POLR1C: variants seen among roughly 807,000 people sequenced by gnomAD.
POLR1C encodes the protein RNA polymerase I and III subunit C.
A neutral mutation model predicts 38.3 loss-of-function variants in POLR1C; 42 were observed. That is an observed-to-expected ratio of 1.10 (90% CI 0.86 to 1.42). The LOEUF (loss-of-function observed/expected upper bound fraction) is 1.42, where lower values mean the gene tolerates loss of function less well. Ranked by LOEUF, POLR1C falls within the 40% of genes most tolerant of loss-of-function variation. POLR1C has a pLI of 0.00. For synonymous variants in POLR1C, 163 were observed against 163.9 expected, an observed-to-expected ratio of 0.99 and a Z score of 0.04; for missense variants, 507 against 450.5, an observed-to-expected ratio of 1.13 and a Z score of -1.14.
At chr6:43,552,606 G>C (rs1795301465) in intron 10 of POLR1C, among the ~76,000 whole-genome samples, 1 of 152,132 alleles carries the variant, frequency 6.6e-6, no homozygotes, top group Non-Finnish European at 1.5e-5. Context: ...GCCAGCCTTG[G>C]CCTCCCAAAG....
At chr6:43,558,657 C>T in intron 10 of POLR1C, 1 of 1,246,920 alleles carries the variant, frequency 8.0e-7, no homozygotes, top group Non-Finnish European at 1.1e-6. Context: ...TTTTAAGCTT[C>T]AGGAGTTCAA....
rs1582212174 is a variant in POLR1C, at chr6:43,539,339, G to A, written c.*4+9980G>A. On this transcript the variant is annotated intron_variant, in intron 9 of 10. Coordinates refer to the POLR1C transcript ENST00000607635. ...GATAGCAACAAACGCCTTGAACCTG[G>A]TGCGCTGGCCAGCACGGGTCTGCTT... 1.1e-5 allele frequency: 18 copies of A among 1,579,506 alleles called. No homozygotes were observed. The South Asian group carries it at 1.9e-4, about 17-fold the overall frequency.
chr6:43,526,941 C>G (rs535315525), intron 8 of POLR1C: 8 of 578,598 alleles, frequency 1.4e-5, no homozygotes, highest in African/African-American at 1.3e-4. Flanking sequence ...TTTGGTCCTT[C>G]AAGTTCAACT....
chr6:43,554,459 T>C (rs1761924269), intron 10 of POLR1C, among the ~76,000 whole-genome samples: 1 of 148,218 alleles, frequency 6.7e-6, no homozygotes, highest in African/African-American at 2.5e-5. Context: ...GGAGTCCCGC[T>C]CTTTGCCCAG....
At chr6:43,533,201 T>A (rs1419278195), downstream of POLR1C, among the ~76,000 whole-genome samples, 3 of 140,586 alleles carry the variant, frequency 2.1e-5, no homozygotes, top group South Asian at 6.8e-4. Flanking sequence ...TTTAAAAACT[T>A]TGATACCTAT....
At chr6:43,517,202 G>C in intron 1 of POLR1C, 24 bp downstream of exon 1, 1 of 1,613,542 alleles carries the variant, frequency 6.2e-7, no homozygotes, top group Non-Finnish European at 8.5e-7. Context: ...CCTTGAGCTC[G>C]GGCGGGAGGA....
intron 10 of POLR1C, chr6:43,553,578 CACAG>C: frequency 2.7e-6 from 4 of 1,500,342 alleles, no homozygotes; most frequent in Non-Finnish European, 3.6e-6. Flanking sequence ...TCGCAGAAGA[CACAG>C]AGAGACAATG....
chr6:43,545,496 CAGG>C (rs1794919795), intron 9 of POLR1C, among the ~76,000 whole-genome samples: 1 of 152,014 alleles, frequency 6.6e-6, no homozygotes, highest in African/African-American at 2.4e-5. Flanking sequence ...CACTTGCGGC[CAGG>C]AGTTCGAGAC....
chr6:43,536,626 G>A (rs955850114), intron 9 of POLR1C, among the ~76,000 whole-genome samples: 1 of 151,178 alleles, frequency 6.6e-6, no homozygotes, highest in Non-Finnish European at 1.5e-5. Context: ...AGGCATGGTG[G>A]CACACGCCTG....
chr6:43,562,364 C>G (rs761984009), exon 11 of POLR1C: 92 of 1,553,244 alleles, frequency 5.9e-5, no homozygotes, highest in Non-Finnish European at 8.0e-5. Context: ...ATGAGAATTC[C>G]TTATATCACC....
downstream of POLR1C, chr6:43,525,656 G>A (rs1166739798): frequency 8.1e-6 from 5 of 620,704 alleles, no homozygotes; most frequent in East Asian, 2.8e-5. Flanking sequence ...GCCTATGCTG[G>A]TATGGGAGAC....
At chr6:43,546,499 A>G in intron 9 of POLR1C, 2 of 1,466,412 alleles carry the variant, frequency 1.4e-6, no homozygotes, top group African/African-American at 1.4e-5. Context: ...GAAGACATGT[A>G]AACAGACTAA....
chr6:43,531,671 G>A, downstream of POLR1C: 1 of 1,048,018 alleles, frequency 9.5e-7, no homozygotes, highest in Non-Finnish European at 1.5e-6. Flanking sequence ...CAGGGGTGAA[G>A]ATGTGTGCAT....
downstream of POLR1C, chr6:43,533,447 T>C (rs567971352): frequency 6.5e-6 from 1 of 154,690 alleles, no homozygotes; most frequent in Non-Finnish European, 1.4e-5. Flanking sequence ...CACTTGTTCA[T>C]ATAGAGCTTA....
intron 10 of POLR1C, chr6:43,553,526 T>C (rs1030303411): frequency 2.7e-4 from 385 of 1,447,640 alleles, no homozygotes; most frequent in African/African-American, 1.0e-3. Flanking sequence ...CACACACACA[T>C]ACACACACAC....
At chr6:43,555,759 G>C (rs1317811512) in intron 10 of POLR1C, 2 of 1,574,278 alleles carry the variant, frequency 1.3e-6, no homozygotes, top group Non-Finnish European at 1.7e-6. Context: ...TGTGTGTATA[G>C]CTCAGGCTCA....
downstream of POLR1C, chr6:43,524,777 G>A (rs572269624): frequency 1.1e-5 from 17 of 1,607,448 alleles, no homozygotes; most frequent in African/African-American, 2.0e-4. Flanking sequence ...GAGACTAGGA[G>A]CAGACTGAGT....
downstream of POLR1C, among the ~76,000 whole-genome samples, chr6:43,531,791 T>A (rs1396293123): frequency 6.6e-6 from 1 of 151,474 alleles, no homozygotes; most frequent in Non-Finnish European, 1.5e-5. Flanking sequence ...GGTACTCTTT[T>A]ATCTGCTTTT....
chr6:43,547,713 G>A (rs375185036), intron 9 of POLR1C: 28 of 1,613,324 alleles, frequency 1.7e-5, no homozygotes, highest in Non-Finnish European at 2.3e-5. Flanking sequence ...GCACTCTGAA[G>A]GTTGGAGGGG....
Sources: allele counts gnomAD v4.1 joint callset (sites outside exome capture counted in the v4.1 genomes callset), GRCh38; gene constraint gnomAD v4.1.1; transcripts MANE v1.5; gene names NCBI Gene and HGNC (gene_info 2026-07-23, HGNC 2026-07-21).